Variants in RAB3IP observed in about 807,000 individuals in gnomAD.
RAB3IP encodes the protein rab-3A-interacting protein.
RAB3IP carries 36 observed loss-of-function variants against 59.1 expected under a neutral mutation model. The ratio of observed to expected loss-of-function variants is 0.61; its 90% CI spans 0.47 to 0.80. The LOEUF (loss-of-function observed/expected upper bound fraction) is 0.80, where lower values mean the gene tolerates loss of function less well. RAB3IP is among the 30% of genes least tolerant of loss of function. The probability of loss-of-function intolerance (pLI) is 0.00; values close to 1 mark genes in which losing one functional copy is unlikely to be tolerated. For missense variants in RAB3IP, 511 were observed against 536.0 expected, an observed-to-expected ratio of 0.95 and a Z score of 0.46; for synonymous variants, 207 against 191.2, an observed-to-expected ratio of 1.08 and a Z score of -0.68.
chr12:69,796,722 A>T (rs1877486554), intron 6 of RAB3IP: 3 of 542,512 alleles, frequency 5.5e-6, no homozygotes, highest in Non-Finnish European at 9.9e-6. Context: ...TTAAATATTT[A>T]AGAAACTTCT....
chr12:69,764,717 T>A (rs980780003), intron 3 of RAB3IP, among the ~76,000 whole-genome samples: 2 of 152,190 alleles, frequency 1.3e-5, no homozygotes, highest in Non-Finnish European at 2.9e-5. Context: ...TACCGTTGAA[T>A]CTGTAGATTG....
chr12:69,762,296 T>C (rs1871430816), intron 3 of RAB3IP, among the ~76,000 whole-genome samples: 1 of 152,240 alleles, frequency 6.6e-6, no homozygotes, highest in South Asian at 2.1e-4. Flanking sequence ...AATTGGGCTT[T>C]AGTGCATTCT....
At chr12:69,751,479 T>A (rs1276983272) in intron 1 of RAB3IP, among the ~76,000 whole-genome samples, 1 of 152,162 alleles carries the variant, frequency 6.6e-6, no homozygotes, top group Non-Finnish European at 1.5e-5. Flanking sequence ...CAACTTTTCA[T>A]TGGATAAACT....
chr12:69,796,693 A>G (rs1303379824), intron 6 of RAB3IP: 4 of 583,430 alleles, frequency 6.9e-6, no homozygotes, highest in East Asian at 3.1e-5. Flanking sequence ...ACCAAATCCA[A>G]AATTCACATT....
intron 3 of RAB3IP, among the ~76,000 whole-genome samples, chr12:69,771,195 G>C (rs962496255): frequency 1.3e-5 from 2 of 152,090 alleles, no homozygotes; most frequent in Admixed American, 6.5e-5. Context: ...TTTCATTCTT[G>C]TTTATGGCTG....
At chr12:69,805,686 A>G (rs1191284290) in intron 8 of RAB3IP, among the ~76,000 whole-genome samples, 1 of 151,902 alleles carries the variant, frequency 6.6e-6, no homozygotes, top group Non-Finnish European at 1.5e-5. Flanking sequence ...TACCTAATTT[A>G]TTGAGAGTTT....
In RAB3IP at chr12:69,821,565, T is replaced by G. The variant is rs1311502949; in HGVS notation, c.*6119T>G. 6.6e-6 allele frequency: 1 copy of G among 152,238 alleles called. No individual in the cohort carries two copies. The highest frequency in any genetic ancestry group is 1.5e-5 in the Non-Finnish European group (1 of 68,044). The allele number at this position is 152,238 out of a possible 1,614,324, so 9.4% of individuals were successfully genotyped here. On this transcript the variant is annotated 3_prime_UTR_variant, in exon 11 of 11. Transcript: ENST00000247833. ...CAGGGTTGCATCTTGTGGGCTCCAT[T>G]GTGTTTTCACACAATGTGCTATTTG...
chr12:69,811,296 C>T (rs903469134), intron 8 of RAB3IP, among the ~76,000 whole-genome samples: 7 of 152,130 alleles, frequency 4.6e-5, no homozygotes, highest in Admixed American at 2.0e-4. Context: ...CTTCCTGAAT[C>T]ACCCAGGGTG....
At chr12:69,793,746 G>A (rs1309826104) in intron 4 of RAB3IP, among the ~76,000 whole-genome samples, 2 of 152,174 alleles carry the variant, frequency 1.3e-5, no homozygotes, top group African/African-American at 2.4e-5. Flanking sequence ...CTTAAGAGCA[G>A]GGACTTTGTC....
At chr12:69,752,857 A>C (rs1261079792) in intron 1 of RAB3IP, among the ~76,000 whole-genome samples, 1 of 152,226 alleles carries the variant, frequency 6.6e-6, no homozygotes, top group Non-Finnish European at 1.5e-5. Context: ...AGTGAAAATG[A>C]ATTATGTACT....
chr12:69,805,943 T>G (rs1214526288), intron 8 of RAB3IP, among the ~76,000 whole-genome samples: 8 of 152,196 alleles, frequency 5.3e-5, no homozygotes, highest in African/African-American at 9.7e-5. Context: ...ATCAAGGATA[T>G]TGGTCTAAAA....
intron 6 of RAB3IP, among the ~76,000 whole-genome samples, chr12:69,796,947 T>C (rs1409111803): frequency 1.3e-5 from 2 of 152,256 alleles, no homozygotes; most frequent in Admixed American, 6.5e-5. Flanking sequence ...ATAGGCAGCA[T>C]ATAACTTCAA....
chr12:69,743,652 A>G (rs561985209), intron 1 of RAB3IP, among the ~76,000 whole-genome samples: 14 of 152,356 alleles, frequency 9.2e-5, no homozygotes, highest in Admixed American at 3.3e-4. Context: ...GTCAGTTCAC[A>G]CAGCTTGTCA....
At position 69,807,448 on chromosome 12, in the gene RAB3IP, C is replaced by A. The variant is rs574688753; in HGVS notation, c.1131-5330C>A. Among the ~76,000 whole-genome samples, 19 of 149,742 alleles carry A rather than the reference C, an allele frequency of 1.3e-4. No homozygotes were observed. The East Asian group carries it at 3.7e-3, about 29-fold the overall frequency. ...GGCGGCCGGGCGGAGGCGCTCCTCA[C>A]ATCCCAGACAGGACGGCTGGGCAGA... is the stretch of plus-strand genomic sequence containing the variant. On this transcript the variant is annotated intron_variant, in intron 8 of 10. Coordinates refer to ENST00000247833, the MANE Select transcript of RAB3IP (RefSeq NM_022456.5).
chr12:69,786,074 T>TG (rs568713380), intron 4 of RAB3IP, among the ~76,000 whole-genome samples: 33 of 152,290 alleles, frequency 2.2e-4, no homozygotes, highest in Admixed American at 7.8e-4. Flanking sequence ...ATAATAAACT[T>TG]GGGGGGGTGG....
At chr12:69,762,630 G>A (rs1381052599) in intron 3 of RAB3IP, among the ~76,000 whole-genome samples, 2 of 151,764 alleles carry the variant, frequency 1.3e-5, no homozygotes, top group Non-Finnish European at 2.9e-5. Flanking sequence ...GGTGGCAGAC[G>A]CCTGTAGTCC....
intron 4 of RAB3IP, 111 bp downstream of exon 4, chr12:69,784,926 T>G (rs1050399414): frequency 4.9e-5 from 27 of 547,690 alleles, no homozygotes; most frequent in Non-Finnish European, 8.3e-5. Context: ...TGTATATTTA[T>G]AAGTCCTCTA....
rs139378111 is a variant in RAB3IP, at chr12:69,742,737, A to T, written c.-26+3706A>T. Among the ~76,000 whole-genome samples, 427 of 152,338 alleles carry T rather than the reference A, an allele frequency of 2.8e-3. 2 individuals are homozygous for T. The highest frequency in any genetic ancestry group is 0.021 in the South Asian group (101 of 4,824). On this transcript the variant is annotated intron_variant, in intron 1 of 10. Coordinates refer to ENST00000247833, the MANE Select transcript of RAB3IP (RefSeq NM_022456.5). ...AAGGGACAAAGGAAGGAAGAGGAAG[A>T]TATTTATACAACTGGGAGCATTAAC...
Position 69,759,676 on chromosome 12 carries a change from C to T in RAB3IP, c.510+3013C>T, listed in dbSNP as rs1303023073. Among the ~76,000 whole-genome samples the T allele has an allele frequency of 3.5e-4, 46 of 132,178 alleles. No individual in the cohort carries two copies. The South Asian group carries it at 4.9e-3, about 14-fold the overall frequency. 86.7% of individuals were successfully genotyped at this position (132,178 alleles called of 152,430 possible). ...GGGGGCTGAACCCCCACCTCCCGGA[C>T]GGGGCGGCTGGCCGGGCAGGGGCTG... On this transcript the variant is annotated intron_variant, in intron 3 of 10. Coordinates refer to ENST00000247833, the MANE Select transcript of RAB3IP (RefSeq NM_022456.5).
Sources: allele counts gnomAD v4.1 joint callset (sites outside exome capture counted in the v4.1 genomes callset), GRCh38; gene constraint gnomAD v4.1.1; transcripts MANE v1.5; gene names NCBI Gene and HGNC (gene_info 2026-07-23, HGNC 2026-07-21).